The following RANBP10 variants were observed in gnomAD, a reference collection of about 807,000 sequenced individuals.
The protein encoded by RANBP10 is RAN binding protein 10.
A neutral mutation model predicts 72.8 loss-of-function variants in RANBP10; 24 were observed. The ratio of observed to expected loss-of-function variants is 0.33; its 90% CI spans 0.24 to 0.46. RANBP10 has a LOEUF of 0.46. RANBP10 is among the 20% of genes least tolerant of loss of function. The pLI is 1.00. For missense variants in RANBP10, 679 were observed against 817.5 expected (o/e 0.83, Z 2.07); for synonymous variants, 310 against 322.3 (o/e 0.96, Z 0.41).
chr16:67,806,311 G>T lies in RANBP10; in HGVS notation c.226C>A (p.His76Asn). Residue 76 changes from histidine (H) to asparagine (N), a missense_variant, in exon 1 of 14, where the codon CAC becomes AAC. Coordinates refer to ENST00000317506, the MANE Select transcript of RANBP10 (RefSeq NM_020850.3). ...CCTGACGGGCCGATACCTTTGTAGT[G>T]GACGCGGAGGTTGCCCTGGGAGAGA... ...IGLSQGNLRV[H>N]YKGHGKNHKD... is the part of the protein sequence containing the mutation. The T allele has an allele frequency of 6.2e-7, 1 of 1,612,046 alleles. No homozygotes were observed.
At chr16:67,735,771 A>G (rs1442481727) in intron 5 of RANBP10, 3 of 151,866 alleles carry the variant, frequency 2.0e-5, no homozygotes, top group Non-Finnish European at 4.4e-5. Context: ...CAGAAAGAAA[A>G]AAAAAAAACA....
intron 2 of RANBP10, among the ~76,000 whole-genome samples, chr16:67,796,201 C>T (rs2055132278): frequency 6.6e-6 from 1 of 152,126 alleles, no homozygotes; most frequent in Admixed American, 6.6e-5. Context: ...CAGGTGTGAG[C>T]CACAGCACAC....
At chr16:67,753,273 A>C (rs1303171530) in intron 3 of RANBP10, among the ~76,000 whole-genome samples, 1 of 152,120 alleles carries the variant, frequency 6.6e-6, no homozygotes, top group Non-Finnish European at 1.5e-5. Flanking sequence ...CGGGAGGCCA[A>C]GGCAAGTGGA....
chr16:67,743,221 G>T (rs1490436597), intron 4 of RANBP10, among the ~76,000 whole-genome samples: 2 of 152,240 alleles, frequency 1.3e-5, no homozygotes, highest in East Asian at 3.8e-4. Context: ...CTCAAGGCAA[G>T]GGAAATGGGA....
chr16:67,802,366 C>T (rs1201862927), intron 2 of RANBP10, among the ~76,000 whole-genome samples: 2 of 152,162 alleles, frequency 1.3e-5, no homozygotes, highest in Non-Finnish European at 2.9e-5. Flanking sequence ...TGCTGGGCAC[C>T]ATGGCTCATG....
rs779635531 is a variant in RANBP10 at position 67,806,311 on chromosome 16, G to A, written c.226C>T (p.His76Tyr). 6.2e-7 allele frequency: 1 copy of A among 1,612,046 alleles called. No individual in the cohort carries two copies. The highest frequency in any genetic ancestry group is 1.7e-4 in the Middle Eastern group (1 of 6,054). Residue 76 changes from histidine (H) to tyrosine (Y), a missense_variant, in exon 1 of 14, where the codon CAC becomes TAC. Physicochemically the swap from His to Tyr is moderately conservative, Grantham distance 83. Transcript: ENST00000317506. ...CCTGACGGGCCGATACCTTTGTAGT[G>A]GACGCGGAGGTTGCCCTGGGAGAGA... ...IGLSQGNLRV[H>Y]YKGHGKNHKD...
In RANBP10 at chr16:67,731,493, C is replaced by T; in HGVS notation, c.868G>A (p.Ala290Thr). 1.9e-6 allele frequency: 3 copies of T among 1,613,796 alleles called. No individual in the cohort carries two copies. The highest frequency in any genetic ancestry group is 2.5e-6 in the Non-Finnish European group (3 of 1,179,684). The stretch of plus-strand genomic sequence containing the variant: ...TTACTTTGTCTGTTCTTTATGGACG[C>T]CTGTTCTTCCTGAATCGGGGTTTCA... ...MTETPIQEEQ[A>T]SIKNRQKIQK... Residue 290 changes from alanine (A) to threonine (T), a missense_variant, in exon 7 of 14, where the codon GCG (alanine) becomes ACG (threonine). Physicochemically the swap from Ala to Thr is moderately conservative, Grantham distance 58. Coordinates refer to ENST00000317506, the MANE Select transcript of RANBP10 (RefSeq NM_020850.3).
intron 2 of RANBP10, among the ~76,000 whole-genome samples, chr16:67,778,723 T>C (rs890097765): frequency 5.3e-5 from 8 of 152,108 alleles, no homozygotes; most frequent in Non-Finnish European, 1.2e-4. Context: ...GATGTTTCCC[T>C]AAAGAAGGTG....
chr16:67,741,345 A>G (rs868380281), intron 4 of RANBP10, among the ~76,000 whole-genome samples: 2 of 151,926 alleles, frequency 1.3e-5, no homozygotes, highest in Non-Finnish European at 2.9e-5. Flanking sequence ...GAAAGACGCT[A>G]CTCCACCCAC....
At chr16:67,791,560 C>A (rs1447028428) in intron 2 of RANBP10, among the ~76,000 whole-genome samples, 1 of 152,180 alleles carries the variant, frequency 6.6e-6, no homozygotes, top group African/African-American at 2.4e-5. Context: ...GGTACCAGCT[C>A]TGCCACCTAC....
chr16:67,791,482 G>T (rs1397887859), intron 2 of RANBP10, among the ~76,000 whole-genome samples: 2 of 152,190 alleles, frequency 1.3e-5, no homozygotes, highest in African/African-American at 2.4e-5. Flanking sequence ...GGTAGGAAGT[G>T]ATGAAAAGGA....
At chr16:67,757,776 T>C (rs2054315267) in intron 3 of RANBP10, among the ~76,000 whole-genome samples, 1 of 152,212 alleles carries the variant, frequency 6.6e-6, no homozygotes, top group Non-Finnish European at 1.5e-5. Context: ...GCTGTTCCCC[T>C]GAGCTTTTAG....
chr16:67,728,232 A>G (rs1188248726), intron 11 of RANBP10, among the ~76,000 whole-genome samples, 158 bp downstream of exon 11: 1 of 152,208 alleles, frequency 6.6e-6, no homozygotes, highest in Non-Finnish European at 1.5e-5. Flanking sequence ...GAGCCACCTC[A>G]AGGACCCATT....
chr16:67,729,492 C>G lies in RANBP10; in HGVS notation c.1148-8G>C, dbSNP rs761742759. The G allele has an allele frequency of 1.2e-6, 2 of 1,609,132 alleles. No homozygotes were observed. Among genetic ancestry groups the G allele is most frequent in the African/African-American group, 1.3e-5 (1 of 74,886 alleles). ...AGCTGGGACTGTCTGCTCCTAGAAG[C>G]CAGGGTGACAGTCAGAAGAGGAGGG... On this transcript the variant is annotated splice_region_variant and splice_polypyrimidine_tract_variant and intron_variant, in intron 9 of 13. Coordinates refer to ENST00000317506, the MANE Select transcript of RANBP10 (RefSeq NM_020850.3). The surrounding 1 kb of genome is among the most constrained non-coding windows in gnomAD (Gnocchi z 7.1).
intron 3 of RANBP10, among the ~76,000 whole-genome samples, chr16:67,746,959 A>G (rs1300250804): frequency 6.6e-6 from 1 of 152,230 alleles, no homozygotes; most frequent in Non-Finnish European, 1.5e-5. Flanking sequence ...AGTTGTTATA[A>G]TTTTTAGCTA....
At chr16:67,747,969 C>T (rs1198874895) in intron 3 of RANBP10, among the ~76,000 whole-genome samples, 2 of 151,206 alleles carry the variant, frequency 1.3e-5, no homozygotes, top group African/African-American at 2.4e-5. Flanking sequence ...TACAGGCGCC[C>T]GCCACCATGC....
chr16:67,781,818 T>G (rs2054817517), intron 2 of RANBP10, among the ~76,000 whole-genome samples: 1 of 152,090 alleles, frequency 6.6e-6, no homozygotes, highest in South Asian at 2.1e-4. Context: ...TTGGGACAAG[T>G]GGAGTCGAGA....
intron 2 of RANBP10, among the ~76,000 whole-genome samples, chr16:67,794,523 CTTT>C (rs536994946): frequency 6.1e-5 from 8 of 130,942 alleles, no homozygotes; most frequent in East Asian, 2.2e-4. Flanking sequence ...CCAACATATT[CTTT>C]TTTTTTTTTT....
In RANBP10 at chr16:67,726,416, C is replaced by A; in HGVS notation, c.*12G>T. On this transcript the variant is annotated 3_prime_UTR_variant, in exon 14 of 14. Coordinates refer to ENST00000317506, the MANE Select transcript of RANBP10 (RefSeq NM_020850.3). ...CAGTGGAGGGCCAGCCAGAGCCAGCCAGCACAGTCAGCTAGTGCAAGTAGT... is the reference window on the plus strand; with the variant it reads ...CAGTGGAGGGCCAGCCAGAGCCAGCAAGCACAGTCAGCTAGTGCAAGTAGT... 6.2e-7 allele frequency: 1 copy of A among 1,612,174 alleles called. No homozygotes were observed. Among genetic ancestry groups the A allele is most frequent in the South Asian group, 1.1e-5 (1 of 90,844 alleles).
Sources: gnomAD v4.1 joint callset for allele counts (sites outside exome capture counted in the v4.1 genomes callset) on GRCh38, gnomAD v4.1.1 for gene constraint, Gnocchi (gnomAD v3.1) non-coding constraint, MANE v1.5 for transcripts, NCBI Gene and HGNC (gene_info 2026-07-23, HGNC 2026-07-21) for gene names.